The following ENAH variants were observed in gnomAD, a reference collection of about 807,000 sequenced individuals.
ENAH encodes the protein protein enabled homolog.
Under a neutral mutation model 78.7 loss-of-function variants are expected in ENAH, and 23 were observed. The ratio of observed to expected loss-of-function variants is 0.29; its 90% CI spans 0.21 to 0.41. The LOEUF (loss-of-function observed/expected upper bound fraction) is 0.41. Ranked by LOEUF, ENAH falls within the 10% of genes least tolerant of loss-of-function variation. ENAH has a pLI of 1.00. For missense variants in ENAH, 544 were observed against 691.0 expected (o/e 0.79, Z 2.39); for synonymous variants, 226 against 241.0 (o/e 0.94, Z 0.58).
chr1:225,568,846 GAAC>G (rs1316476757), intron 1 of ENAH, among the ~76,000 whole-genome samples: 1 of 152,164 alleles, frequency 6.6e-6, no homozygotes, highest in East Asian at 1.9e-4. Context: ...AATTGCTTCA[GAAC>G]AACAGGGTTA....
chr1:225,535,359 A>G (rs973083377), intron 3 of ENAH: 1 of 370,900 alleles, frequency 2.7e-6, no homozygotes, highest in Non-Finnish European at 5.1e-6. Flanking sequence ...CATGAACCAC[A>G]ACAAATATCA....
intron 1 of ENAH, among the ~76,000 whole-genome samples, chr1:225,604,373 G>A (rs996136349): frequency 2.6e-5 from 4 of 152,008 alleles, no homozygotes; most frequent in Non-Finnish European, 5.9e-5. Flanking sequence ...GGAAAATGAG[G>A]GCTTAATATA....
chr1:225,552,727 G>T (rs909444860), intron 3 of ENAH, among the ~76,000 whole-genome samples: 1 of 152,124 alleles, frequency 6.6e-6, no homozygotes, highest in African/African-American at 2.4e-5. Flanking sequence ...ATGAGTGGTT[G>T]AGATTGTGAC....
At chr1:225,541,282 A>T (rs987001186) in intron 3 of ENAH, among the ~76,000 whole-genome samples, 1 of 46,946 alleles carries the variant, frequency 2.1e-5, no homozygotes, top group African/African-American at 1.1e-4. Flanking sequence ...AAAATACAAA[A>T]AATTAGCCAG....
At chr1:225,623,303 A>AG (rs1657334678) in intron 1 of ENAH, among the ~76,000 whole-genome samples, 1 of 152,186 alleles carries the variant, frequency 6.6e-6, no homozygotes, top group Admixed American at 6.5e-5. Context: ...GCTTCCTCTA[A>AG]GGCTGTTAGA....
At chr1:225,609,959 C>T (rs951142134) in intron 1 of ENAH, among the ~76,000 whole-genome samples, 12 of 151,956 alleles carry the variant, frequency 7.9e-5, no homozygotes, top group Middle Eastern at 3.4e-3. Flanking sequence ...CCACCGCGCC[C>T]GGCCTACTTT....
At position 225,652,851 on chromosome 1, in the gene ENAH, A is replaced by G; in HGVS notation, c.-161T>C. 2.1e-6 allele frequency: 1 copy of G among 471,454 alleles called. No individual in the cohort carries two copies. Among genetic ancestry groups the G allele is most frequent in the Non-Finnish European group, 3.4e-6 (1 of 292,838 alleles). 29.2% of individuals were successfully genotyped at this position (471,454 alleles called of 1,614,324 possible). Reference sequence around the variant, plus strand: ...AGGGGGCTACACCATCTCCTCGCACAAAGCCGAGGCGCCGGCCGGGAGTGT... The same window carrying G: ...AGGGGGCTACACCATCTCCTCGCACGAAGCCGAGGCGCCGGCCGGGAGTGT... On this transcript the variant is annotated 5_prime_UTR_variant, in exon 1 of 14. Transcript: ENST00000366843.
intron 5 of ENAH, chr1:225,517,838 G>A (rs1245151307): frequency 1.3e-6 from 2 of 1,551,356 alleles, no homozygotes; most frequent in East Asian, 2.4e-5. Flanking sequence ...GTGGAAGTAG[G>A]TGGCAAAGCA....
intron 1 of ENAH, among the ~76,000 whole-genome samples, chr1:225,617,264 A>G (rs1655929569): frequency 6.6e-6 from 1 of 152,234 alleles, no homozygotes; most frequent in African/African-American, 2.4e-5. Context: ...CATTACTTCT[A>G]AAAGTGAATT....
At chr1:225,637,950 G>A (rs907497447) in intron 1 of ENAH, among the ~76,000 whole-genome samples, 1 of 151,918 alleles carries the variant, frequency 6.6e-6, no homozygotes, top group East Asian at 1.9e-4. Flanking sequence ...AAGCAAAAAG[G>A]GCAAAACAAC....
At position 225,527,406 on chromosome 1, in the gene ENAH, A is replaced by C. The variant is rs192210082; in HGVS notation, c.434+3148T>G. Reference sequence around the variant, plus strand: ...ATTTCTACTGGGAACCAAACTTCACACTAGACTGTGCTATACATCCTTCCC... The same window carrying C: ...ATTTCTACTGGGAACCAAACTTCACCCTAGACTGTGCTATACATCCTTCCC... On this transcript the variant is annotated intron_variant, in intron 4 of 13. Transcript: ENST00000366843. Among the ~76,000 whole-genome samples the C allele has an allele frequency of 2.6e-5, 4 of 152,384 alleles. No homozygotes were observed. In the East Asian group the frequency reaches 7.7e-4, roughly 29 times the overall value.
intron 2 of ENAH, among the ~76,000 whole-genome samples, chr1:225,557,538 C>A (rs1265104239): frequency 3.9e-5 from 6 of 152,168 alleles, no homozygotes; most frequent in Non-Finnish European, 8.8e-5. Context: ...TATGATCTTT[C>A]ACACCAGGCA....
chr1:225,526,177 TC>T (rs2096503152), intron 4 of ENAH, among the ~76,000 whole-genome samples: 3 of 152,028 alleles, frequency 2.0e-5, no homozygotes, highest in Admixed American at 6.6e-5. Context: ...TCCTTCCCAC[TC>T]CCCCAGAACT....
chr1:225,604,488 A>G (rs944937512), intron 1 of ENAH, among the ~76,000 whole-genome samples: 1 of 152,064 alleles, frequency 6.6e-6, no homozygotes, highest in Non-Finnish European at 1.5e-5. Flanking sequence ...AATATTTTAA[A>G]ATTGTACAAA....
intron 3 of ENAH, among the ~76,000 whole-genome samples, chr1:225,553,486 T>C (rs2096651510): frequency 6.6e-6 from 1 of 152,036 alleles, no homozygotes; most frequent in Non-Finnish European, 1.5e-5. Flanking sequence ...TAGTTTGTTC[T>C]AAAACACGGG....
chr1:225,520,914 AAGGGAGGAAGGGAGGGAGGG>A (rs1470598258), intron 4 of ENAH, among the ~76,000 whole-genome samples: 40 of 91,006 alleles, frequency 4.4e-4, no homozygotes, highest in African/African-American at 1.1e-3. Context: ...GAAGGGAAGG[AAGGGAGGAAGGGAGGGAGGG>A]AGGGAGGGAG....
intron 2 of ENAH, among the ~76,000 whole-genome samples, chr1:225,561,940 A>ATGCTTTT (rs2096708356): frequency 6.6e-6 from 1 of 152,082 alleles, no homozygotes; most frequent in African/African-American, 2.4e-5. Context: ...CAAACTGATG[A>ATGCTTTT]TGCTTTTATG....
chr1:225,503,447 T>C (rs931576684), intron 11 of ENAH, among the ~76,000 whole-genome samples: 1 of 152,020 alleles, frequency 6.6e-6, no homozygotes, highest in African/African-American at 2.4e-5. Context: ...AGCTAATTTT[T>C]GTATGTTTTG....
intron 1 of ENAH, among the ~76,000 whole-genome samples, chr1:225,638,470 A>G (rs1468196873): frequency 6.6e-6 from 1 of 152,202 alleles, no homozygotes; most frequent in Admixed American, 6.5e-5. Flanking sequence ...GCTCTTGAAA[A>G]TTAATGTCTC....
Sources: gnomAD v4.1 joint callset for allele counts (sites outside exome capture counted in the v4.1 genomes callset) on GRCh38, gnomAD v4.1.1 for gene constraint, MANE v1.5 for transcripts, NCBI Gene and HGNC (gene_info 2026-07-23, HGNC 2026-07-21) for gene names.